Variants in GGACT observed in about 807,000 individuals in gnomAD.
GGACT encodes the protein gamma-glutamylaminecyclotransferase.
For synonymous variants in GGACT, 118 were observed against 115.3 expected (o/e 1.02, Z -0.15); for missense variants, 241 against 233.2 (o/e 1.03, Z -0.22).
chr13:100,530,464 A>C lies in GGACT; in HGVS notation c.*1666T>G. On this transcript the variant is annotated 3_prime_UTR_variant, in exon 3 of 3. Transcript: ENST00000683975. ...TAGTTTGCCCTTTCTTTGAATGAAGACAATGTACACATAGGCGACAGGCTC... is the reference window on the plus strand; with the variant it reads ...TAGTTTGCCCTTTCTTTGAATGAAGCCAATGTACACATAGGCGACAGGCTC... 1 of 493,108 alleles carries C rather than the reference A, an allele frequency of 2.0e-6. No individual in the cohort carries two copies. The highest frequency in any genetic ancestry group is 2.1e-5 in the South Asian group (1 of 47,884). The allele number at this position is 493,108 out of a possible 1,614,324, so 30.5% of individuals were successfully genotyped here. A position where few individuals can be genotyped will look rare whatever the true frequency, so the allele number is the denominator to read the frequency against.
rs540991007 is a variant in GGACT at position 100,564,141 on chromosome 13, C to T, written c.-11+19684G>A. Among the ~76,000 whole-genome samples the T allele has an allele frequency of 2.0e-5, 3 of 152,274 alleles. No individual in the cohort carries two copies. The East Asian group carries it at 5.8e-4, about 29-fold the overall frequency. On this transcript the variant is annotated intron_variant, in intron 2 of 2. Transcript: ENST00000683975. ...AGAGTTGGATTTAGTAATTTAGGAGCTGGGGGCAGGAATCTACATTTCAAA... is the reference window on the plus strand; with the variant it reads ...AGAGTTGGATTTAGTAATTTAGGAGTTGGGGGCAGGAATCTACATTTCAAA...
intron 2 of GGACT, among the ~76,000 whole-genome samples, chr13:100,582,926 T>G (rs764131462): frequency 1.3e-5 from 2 of 152,182 alleles, no homozygotes; most frequent in Non-Finnish European, 2.9e-5. Flanking sequence ...GTGTTCAGAA[T>G]AGCTTAATAA....
chr13:100,576,342 G>A (rs1470358780), intron 2 of GGACT, among the ~76,000 whole-genome samples: 1 of 152,162 alleles, frequency 6.6e-6, no homozygotes, highest in Non-Finnish European at 1.5e-5. Flanking sequence ...CACCATTGCG[G>A]GTGGGAATGC....
At chr13:100,570,885 T>A (rs540887929) in intron 2 of GGACT, among the ~76,000 whole-genome samples, 1 of 152,328 alleles carries the variant, frequency 6.6e-6, no homozygotes, top group East Asian at 1.9e-4. Context: ...CCTGCTCAGA[T>A]GATGTATCGC....
chr13:100,567,020 G>A (rs1874908594), intron 2 of GGACT, among the ~76,000 whole-genome samples: 1 of 152,196 alleles, frequency 6.6e-6, no homozygotes, highest in South Asian at 2.1e-4. Context: ...GGTTTTGTCT[G>A]ATGCTGTCTC....
intron 2 of GGACT, among the ~76,000 whole-genome samples, chr13:100,549,755 AAAAG>A (rs2088639844): frequency 6.6e-6 from 1 of 152,240 alleles, no homozygotes; most frequent in African/African-American, 2.4e-5. Flanking sequence ...GGTGGCAGAT[AAAAG>A]AAAGGAAAGC....
At chr13:100,557,354 C>G (rs2153014820) in intron 2 of GGACT, among the ~76,000 whole-genome samples, 1 of 152,294 alleles carries the variant, frequency 6.6e-6, no homozygotes, top group African/African-American at 2.4e-5. Flanking sequence ...CTAAGACCCA[C>G]TTACTTGTAT....
chr13:100,543,497 G>A (rs531482384), intron 2 of GGACT, among the ~76,000 whole-genome samples: 21 of 152,226 alleles, frequency 1.4e-4, no homozygotes, highest in South Asian at 4.1e-4. Flanking sequence ...GAGCCAGCAC[G>A]CCTGGCCAAC....
intron 2 of GGACT, among the ~76,000 whole-genome samples, chr13:100,571,226 A>T (rs983640965): frequency 2.6e-5 from 4 of 152,210 alleles, no homozygotes; most frequent in African/African-American, 9.7e-5. Flanking sequence ...GTAAGTAGGG[A>T]GATTTATTTT....
rs138051138 is a variant in GGACT at position 100,582,639 on chromosome 13, T to C, written c.-11+1186A>G. Among the ~76,000 whole-genome samples the C allele has an allele frequency of 3.3e-3, 505 of 152,292 alleles. 3 individuals carry two copies. Among genetic ancestry groups the C allele is most frequent in the African/African-American group, 0.011 (460 of 41,542 alleles). On this transcript the variant is annotated intron_variant, in intron 2 of 2. Transcript: ENST00000683975. ...AGGGTAATATTGTTAGCTTTGAATA[T>C]GGAGGAAAGGGCCAATAAGCCAAGG...
chr13:100,567,172 G>T (rs569499340), intron 2 of GGACT, among the ~76,000 whole-genome samples: 1 of 152,158 alleles, frequency 6.6e-6, no homozygotes, highest in Non-Finnish European at 1.5e-5. Context: ...TTAAGGTGGT[G>T]ACTGCCAGGC....
At chr13:100,572,321 C>T (rs1319483980) in intron 2 of GGACT, among the ~76,000 whole-genome samples, 1 of 152,150 alleles carries the variant, frequency 6.6e-6, no homozygotes, top group Non-Finnish European at 1.5e-5. Context: ...TGTAAGATTC[C>T]ACTTTTATGA....
At chr13:100,546,907 T>C (rs981209874) in intron 2 of GGACT, among the ~76,000 whole-genome samples, 1 of 152,122 alleles carries the variant, frequency 6.6e-6, no homozygotes, top group Non-Finnish European at 1.5e-5. Flanking sequence ...CTTCTCTTCC[T>C]TTCACCCCCC....
intron 2 of GGACT, among the ~76,000 whole-genome samples, chr13:100,547,388 G>A (rs1239766698): frequency 1.3e-5 from 2 of 152,196 alleles, no homozygotes; most frequent in African/African-American, 4.8e-5. Flanking sequence ...GCGGTTCCAT[G>A]GGGGATACAT....
At chr13:100,565,852 G>A (rs574329216) in intron 2 of GGACT, among the ~76,000 whole-genome samples, 2 of 152,272 alleles carry the variant, frequency 1.3e-5, no homozygotes, top group East Asian at 3.9e-4. Flanking sequence ...GCCCCTCCAA[G>A]CATGGGTTTA....
intron 2 of GGACT, among the ~76,000 whole-genome samples, chr13:100,563,927 G>A (rs2088786866): frequency 6.6e-6 from 1 of 152,142 alleles, no homozygotes; most frequent in Admixed American, 6.5e-5. Context: ...AGGGAACAGA[G>A]ATTTGGAACC....
At chr13:100,540,612 C>G (rs910924992) in intron 2 of GGACT, among the ~76,000 whole-genome samples, 14 of 152,188 alleles carry the variant, frequency 9.2e-5, no homozygotes, top group African/African-American at 2.9e-4. Flanking sequence ...TTAAAATTCT[C>G]TTTTTGTTTA....
Position 100,532,493 on chromosome 13 carries a change from G to A in GGACT, c.99C>T (p.Arg33=), listed in dbSNP as rs1042786516. 3.9e-6 allele frequency: 6 copies of A among 1,548,828 alleles called. No homozygotes were observed. Among genetic ancestry groups the A allele is most frequent in the African/African-American group, 2.7e-5 (2 of 73,128 alleles). The part of the protein sequence containing the change: ...GAHGSAAFRA[R]GRTLEPYPLV... ...ACGGGTAGGGCTCCAGCGTGCGGCC[G>A]CGCGCCCGAAAGGCTGCGGAGCCGT... Residue 33 remains arginine, a synonymous_variant, in exon 3 of 3, where the codon CGC becomes CGT. Coordinates refer to ENST00000683975, the MANE Select transcript of GGACT (RefSeq NM_001195087.2).
chr13:100,540,264 C>T (rs2088540797), intron 2 of GGACT: 7 of 1,205,652 alleles, frequency 5.8e-6, no homozygotes, highest in East Asian at 2.3e-5. Flanking sequence ...AGGCACGGAC[C>T]GGAGAGAGAG....
Sources: allele counts gnomAD v4.1 joint callset (sites outside exome capture counted in the v4.1 genomes callset), GRCh38; gene constraint gnomAD v4.1.1; transcripts MANE v1.5; gene names NCBI Gene and HGNC (gene_info 2026-07-23, HGNC 2026-07-21).